The following SUGT1 variants were observed in gnomAD, a reference collection of about 807,000 sequenced individuals.
SUGT1 encodes the protein SGT1 assembly cochaperone of MIS12 kinetochore complex.
A neutral mutation model predicts 56.1 loss-of-function variants in SUGT1; 15 were observed. That is an observed-to-expected ratio of 0.27 (90% CI 0.18 to 0.41). The LOEUF (loss-of-function observed/expected upper bound fraction) is 0.41. Ranked by LOEUF, SUGT1 falls within the 10% of genes least tolerant of loss-of-function variation. The pLI is 1.00. For synonymous variants in SUGT1, 123 were observed against 128.6 expected (o/e 0.96, Z 0.30); for missense variants, 347 against 382.2 (o/e 0.91, Z 0.77).
chr13:52,671,258 G>A (rs539093225), intron 10 of SUGT1, among the ~76,000 whole-genome samples: 26 of 151,946 alleles, frequency 1.7e-4, no homozygotes, highest in African/African-American at 6.0e-4. Context: ...ATCACAAATT[G>A]TAGATCTTGG....
chr13:52,654,872 T>C (rs76756970), intron 2 of SUGT1, among the ~76,000 whole-genome samples: 61 of 152,396 alleles, frequency 4.0e-4, no homozygotes, highest in African/African-American at 1.3e-3. Flanking sequence ...TTTCTAGTTA[T>C]TAGCTAACAA....
At chr13:52,672,148 T>C (rs960581975) in intron 10 of SUGT1, among the ~76,000 whole-genome samples, 11 of 152,088 alleles carry the variant, frequency 7.2e-5, no homozygotes, top group African/African-American at 2.7e-4. Context: ...TCATAGAAAA[T>C]CTGGAAAAGA....
chr13:52,676,533 A>G (rs1437477785), intron 11 of SUGT1, among the ~76,000 whole-genome samples: 1 of 152,166 alleles, frequency 6.6e-6, no homozygotes, highest in Admixed American at 6.5e-5. Flanking sequence ...TGGCAGCAAA[A>G]TCCTAGAGGG....
At chr13:52,661,790 G>T (rs1471998791) in intron 5 of SUGT1, among the ~76,000 whole-genome samples, 1 of 152,106 alleles carries the variant, frequency 6.6e-6, no homozygotes, top group African/African-American at 2.4e-5. Flanking sequence ...GTGTGTGTGA[G>T]AGTGTATTTA....
chr13:52,658,931 TTA>T (rs1166480200), intron 4 of SUGT1, among the ~76,000 whole-genome samples: 1 of 152,092 alleles, frequency 6.6e-6, no homozygotes, highest in African/African-American at 2.4e-5. Context: ...CTTTGTATAA[TTA>T]TATTTTTGAG....
intron 10 of SUGT1, among the ~76,000 whole-genome samples, chr13:52,672,927 G>T (rs986512385): frequency 2.1e-4 from 32 of 152,200 alleles, no homozygotes; most frequent in Non-Finnish European, 1.5e-5. Context: ...GCACATTAGG[G>T]ATTCTTAGTG....
At chr13:52,663,735 A>C (rs1393095931) in intron 7 of SUGT1, among the ~76,000 whole-genome samples, 1 of 152,206 alleles carries the variant, frequency 6.6e-6, no homozygotes, top group African/African-American at 2.4e-5. Flanking sequence ...AACCTTTTCT[A>C]ATCATGCCTT....
At chr13:52,686,644 A>G (rs767477650) in intron 12 of SUGT1, among the ~76,000 whole-genome samples, 3 of 152,216 alleles carry the variant, frequency 2.0e-5, no homozygotes, top group Non-Finnish European at 4.4e-5. Flanking sequence ...TGAGGTTCCA[A>G]TGTGTAGGAT....
intron 9 of SUGT1, 25 bp downstream of exon 9, chr13:52,665,758 A>G (rs375043099): frequency 7.5e-5 from 113 of 1,506,340 alleles, no homozygotes; most frequent in Middle Eastern, 5.3e-4. Flanking sequence ...TCATTTTTCA[A>G]TGTTGATTAC....
rs1342455786 is a variant in SUGT1 at position 52,689,371 on chromosome 13, G to A, written c.*1536G>A. 2 of 152,134 alleles carry A rather than the reference G, an allele frequency of 1.3e-5. No individual in the cohort carries two copies. Among genetic ancestry groups the A allele is most frequent in the Non-Finnish European group, 2.9e-5 (2 of 68,022 alleles). 9.4% of individuals were successfully genotyped at this position (152,134 alleles called of 1,614,324 possible). A position where few individuals can be genotyped will look rare whatever the true frequency, so the allele number is the denominator to read the frequency against. On this transcript the variant is annotated 3_prime_UTR_variant, in exon 13 of 13. Coordinates refer to ENST00000310528, the MANE Select transcript of SUGT1 (RefSeq NM_006704.5). ...GTTTTCTTCTTAGGAAAATAGGATA[G>A]TGACTTTTGTATTCTGTATGTTAAA... is the stretch of plus-strand genomic sequence containing the variant.
chr13:52,676,389 A>AAC (rs1963145255), intron 11 of SUGT1, 69 bp downstream of exon 11: 6 of 1,270,404 alleles, frequency 4.7e-6, no homozygotes, highest in Non-Finnish European at 6.6e-6. Context: ...AATAGTAATG[A>AAC]ACATTCTTTT....
At chr13:52,666,118 C>T (rs769052833) in intron 9 of SUGT1, among the ~76,000 whole-genome samples, 4 of 152,286 alleles carry the variant, frequency 2.6e-5, no homozygotes, top group South Asian at 2.1e-4. Context: ...GACAGAGTCT[C>T]GCTCTTGCGT....
At chr13:52,681,040 G>A (rs944318107) in intron 12 of SUGT1, among the ~76,000 whole-genome samples, 1 of 152,070 alleles carries the variant, frequency 6.6e-6, no homozygotes, top group African/African-American at 2.4e-5. Context: ...GTTGCGCCAC[G>A]TTGCCCAGGC....
rs557625384 is a variant in SUGT1 at position 52,683,774 on chromosome 13, G to A, written c.900+3619G>A. On this transcript the variant is annotated intron_variant, in intron 12 of 12. Transcript: ENST00000310528. Reference sequence around the variant, plus strand: ...TTTAGTTAACCTAAAAGTTTTTATAGGACTGTTCCAATTATCTATTTCATA... The same window carrying A: ...TTTAGTTAACCTAAAAGTTTTTATAAGACTGTTCCAATTATCTATTTCATA... Among the ~76,000 whole-genome samples, 6 of 152,230 alleles carry A rather than the reference G, an allele frequency of 3.9e-5. No individual in the cohort carries two copies. The South Asian group carries it at 1.2e-3, about 32-fold the overall frequency.
intron 3 of SUGT1, 138 bp downstream of exon 3, chr13:52,657,760 A>G: frequency 4.1e-6 from 3 of 723,006 alleles, no homozygotes; most frequent in South Asian, 2.0e-5. Context: ...TGTGACAGAC[A>G]TGTTGAGCAA....
chr13:52,662,683 G>T lies in SUGT1; in HGVS notation c.363G>T (p.Arg121Ser). The T allele has an allele frequency of 6.2e-7, 1 of 1,613,732 alleles. No homozygotes were observed. Residue 121 changes from arginine to serine, a missense_variant, in exon 6 of 13, where the codon AGG becomes AGT. Coordinates refer to ENST00000310528, the MANE Select transcript of SUGT1 (RefSeq NM_006704.5). ...CTAATTTCAGTGTCTGGATTAAAAGGTGTCAAGAAGCTCAGAATGGTATGT... is the reference window on the plus strand; with the variant it reads ...CTAATTTCAGTGTCTGGATTAAAAGTTGTCAAGAAGCTCAGAATGGTATGT... ...ADANFSVWIK[R>S]CQEAQNGSES... is the part of the protein sequence containing the mutation.
At chr13:52,673,316 G>A (rs1963015098) in intron 10 of SUGT1, among the ~76,000 whole-genome samples, 1 of 151,062 alleles carries the variant, frequency 6.6e-6, no homozygotes, top group Non-Finnish European at 1.5e-5. Flanking sequence ...GAGTGATCAT[G>A]GCCCACTGTG....
rs1201845008 is a variant in SUGT1 at position 52,696,399 on chromosome 13, A to G, written c.*8564A>G. ...ATTTATGACACCTTCATGGTGTCAC[A>G]TGTTATAGGGTTAGTTGCGGCTGTG... is the stretch of plus-strand genomic sequence containing the variant. On this transcript the variant is annotated 3_prime_UTR_variant, in exon 13 of 13. Transcript: ENST00000310528. 1 of 152,044 alleles carries G rather than the reference A, an allele frequency of 6.6e-6. No individual in the cohort carries two copies. The highest frequency in any genetic ancestry group is 1.9e-4 in the East Asian group (1 of 5,176). The allele number at this position is 152,044 out of a possible 1,614,324, so 9.4% of individuals were successfully genotyped here.
intron 5 of SUGT1, among the ~76,000 whole-genome samples, chr13:52,662,291 C>T (rs987897855): frequency 6.6e-6 from 1 of 152,198 alleles, no homozygotes; most frequent in Non-Finnish European, 1.5e-5. Context: ...CCCACCCTAA[C>T]TGATGGCATA....
Sources: allele counts gnomAD v4.1 joint callset (sites outside exome capture counted in the v4.1 genomes callset), GRCh38; gene constraint gnomAD v4.1.1; transcripts MANE v1.5; gene names NCBI Gene and HGNC (gene_info 2026-07-23, HGNC 2026-07-21).